Variants in XXYLT1 observed in about 807,000 individuals in gnomAD.
The protein encoded by XXYLT1 is xyloside xylosyltransferase 1.
A neutral mutation model predicts 28.9 loss-of-function variants in XXYLT1; 20 were observed. The ratio of observed to expected loss-of-function variants is 0.69; its 90% confidence interval spans 0.49 to 1.00. The LOEUF is 1.00. XXYLT1 is among the 50% of genes least tolerant of loss of function. The probability of loss-of-function intolerance (pLI) is 0.00; values close to 1 mark genes in which losing one functional copy is unlikely to be tolerated. For missense variants in XXYLT1, 542 were observed against 560.1 expected, an observed-to-expected ratio of 0.97 and a Z score of 0.33; for synonymous variants, 257 against 253.8, an observed-to-expected ratio of 1.01 and a Z score of -0.12.
At chr3:195,197,460 A>G (rs997916464) in intron 2 of XXYLT1, among the ~76,000 whole-genome samples, 1 of 151,416 alleles carries the variant, frequency 6.6e-6, no homozygotes, top group Non-Finnish European at 1.5e-5. Context: ...AAAAAAAAAA[A>G]GCTATGTTAT....
chr3:195,144,808 G>T (rs967008313), intron 3 of XXYLT1, among the ~76,000 whole-genome samples: 1 of 152,186 alleles, frequency 6.6e-6, no homozygotes, highest in Non-Finnish European at 1.5e-5. Context: ...GCAGCTAAAA[G>T]GGTGTGAGAT....
At chr3:195,167,169 C>A (rs928472751) in intron 2 of XXYLT1, among the ~76,000 whole-genome samples, 2 of 152,232 alleles carry the variant, frequency 1.3e-5, no homozygotes, top group Admixed American at 6.5e-5. Context: ...AGTCAAGCTA[C>A]TATTTTTCTC....
chr3:195,215,525 GTC>G (rs1327697750), intron 2 of XXYLT1, among the ~76,000 whole-genome samples: 1 of 130,360 alleles, frequency 7.7e-6, no homozygotes, highest in African/African-American at 3.0e-5. Flanking sequence ...TGCAATCCTA[GTC>G]TCTGATAAAA....
chr3:195,165,165 C>A (rs1026169167), intron 2 of XXYLT1, among the ~76,000 whole-genome samples: 4 of 152,144 alleles, frequency 2.6e-5, no homozygotes, highest in Non-Finnish European at 5.9e-5. Context: ...AACAATGAAT[C>A]CGCCACTCTT....
intron 2 of XXYLT1, among the ~76,000 whole-genome samples, chr3:195,208,170 C>A (rs1306029738): frequency 6.6e-6 from 1 of 152,224 alleles, no homozygotes; most frequent in African/African-American, 2.4e-5. Context: ...CATACCCCAA[C>A]AGAGGTGGTA....
At chr3:195,202,375 A>G (rs1224876220) in intron 2 of XXYLT1, among the ~76,000 whole-genome samples, 1 of 148,462 alleles carries the variant, frequency 6.7e-6, no homozygotes, top group African/African-American at 2.5e-5. Flanking sequence ...TTGCAATATT[A>G]TCTTAAAGAG....
intron 2 of XXYLT1, among the ~76,000 whole-genome samples, chr3:195,189,867 G>A (rs566893080): frequency 1.3e-5 from 2 of 152,268 alleles, no homozygotes; most frequent in African/African-American, 2.4e-5. Flanking sequence ...CAGACCCCAA[G>A]TAGGATAAAT....
At chr3:195,156,666 A>G in intron 2 of XXYLT1, 85 bp from the exon 3 acceptor site, 2 of 1,537,038 alleles carry the variant, frequency 1.3e-6, no homozygotes, top group South Asian at 2.4e-5. Context: ...TGGAGGGCAG[A>G]GAAAAGGGCA....
At chr3:195,123,798 G>T (rs1718485729) in intron 3 of XXYLT1, among the ~76,000 whole-genome samples, 2 of 152,172 alleles carry the variant, frequency 1.3e-5, no homozygotes, top group Non-Finnish European at 2.9e-5. Context: ...GATGCTACAG[G>T]GTCTGGGCCA....
At chr3:195,190,515 A>C (rs1722376217) in intron 2 of XXYLT1, among the ~76,000 whole-genome samples, 1 of 151,510 alleles carries the variant, frequency 6.6e-6, no homozygotes, top group Non-Finnish European at 1.5e-5. Context: ...AAAAAAAAAA[A>C]AAAACTAAAT....
chr3:195,081,826 C>T lies in XXYLT1; in HGVS notation c.786-11715G>A, dbSNP rs571139552. Reference sequence around the variant, plus strand: ...CTGTGGTCTGCAGCAGCCAGTGGGCCCTGCAACTGGTCTACCTGGCTCTGC... The same window carrying T: ...CTGTGGTCTGCAGCAGCCAGTGGGCTCTGCAACTGGTCTACCTGGCTCTGC... On this transcript the variant is annotated intron_variant, in intron 3 of 3. Coordinates refer to ENST00000310380, the MANE Select transcript of XXYLT1 (RefSeq NM_152531.5). Among the ~76,000 whole-genome samples the T allele has an allele frequency of 5.3e-5, 8 of 152,308 alleles. No individual in the cohort carries two copies. The East Asian group carries it at 1.5e-3, about 29-fold the overall frequency.
intron 2 of XXYLT1, among the ~76,000 whole-genome samples, chr3:195,165,476 T>C (rs751359489): frequency 3.9e-5 from 6 of 152,170 alleles, no homozygotes; most frequent in Middle Eastern, 3.2e-3. Flanking sequence ...GTGGAAAGAA[T>C]GGCCCCACAT....
intron 3 of XXYLT1, among the ~76,000 whole-genome samples, chr3:195,146,316 C>T (rs147821573): frequency 8.5e-5 from 13 of 152,350 alleles, no homozygotes; most frequent in East Asian, 7.7e-4. Flanking sequence ...TACAGATAAG[C>T]CTTTCTGCTG....
intron 3 of XXYLT1, among the ~76,000 whole-genome samples, chr3:195,120,755 G>A (rs1045335254): frequency 5.9e-5 from 9 of 152,218 alleles, no homozygotes; most frequent in South Asian, 2.1e-4. Context: ...ACTGAGCACC[G>A]ACTCTGCGGG....
chr3:195,271,134 T>G lies in XXYLT1; in HGVS notation c.-76A>C. ...GGGTACCCGGACGCCGGCGGCCACT[T>G]AGCCCCGGCGCCAGGCGGCGGCCAT... On this transcript the variant is annotated 5_prime_UTR_variant, in exon 1 of 4. The change abolishes the stop of an existing upstream ORF in the 5' untranslated region. Transcript: ENST00000310380. 2 of 1,253,960 alleles carry G rather than the reference T, an allele frequency of 1.6e-6. No homozygotes were observed. The highest frequency in any genetic ancestry group is 2.0e-6 in the Non-Finnish European group (2 of 999,324). 77.7% of individuals were successfully genotyped at this position (1,253,960 alleles called of 1,614,324 possible). A position where few individuals can be genotyped will look rare whatever the true frequency, so the allele number is the denominator to read the frequency against.
intron 2 of XXYLT1, among the ~76,000 whole-genome samples, chr3:195,213,663 G>A (rs938540290): frequency 4.6e-5 from 7 of 152,334 alleles, no homozygotes; most frequent in East Asian, 1.9e-4. Flanking sequence ...GTGTGTAAGC[G>A]ATGTTGGTTA....
chr3:195,083,504 T>G (rs1458528566), intron 3 of XXYLT1, among the ~76,000 whole-genome samples: 1 of 152,198 alleles, frequency 6.6e-6, no homozygotes, highest in Non-Finnish European at 1.5e-5. Flanking sequence ...CCTCATCTCC[T>G]CCTCAGAAGT....
chr3:195,181,353 G>A (rs543278046), intron 2 of XXYLT1, among the ~76,000 whole-genome samples: 114 of 152,318 alleles, frequency 7.5e-4, no homozygotes, highest in Non-Finnish European at 1.4e-3. Context: ...TTTTCTATGA[G>A]GTCTACACTT....
chr3:195,210,766 T>C lies in XXYLT1; in HGVS notation c.652+15943A>G, dbSNP rs189472767. On this transcript the variant is annotated intron_variant, in intron 2 of 3. Coordinates refer to ENST00000310380, the MANE Select transcript of XXYLT1 (RefSeq NM_152531.5). This position sits in a 1 kb window ranked among gnomAD's most constrained non-coding sequence, Gnocchi z 4.8. ...CATAAGAGCTGCCAGAAAATAGTTT[T>C]CACTGAAATCACTGGACACATGTTT... Among the ~76,000 whole-genome samples the C allele has an allele frequency of 1.1e-4, 17 of 147,974 alleles. No homozygotes were observed. In the East Asian group the frequency reaches 3.3e-3, roughly 29 times the overall value.
Sources: gnomAD v4.1 joint callset for allele counts (sites outside exome capture counted in the v4.1 genomes callset) on GRCh38, gnomAD v4.1.1 for gene constraint, Gnocchi (gnomAD v3.1) non-coding constraint, MANE v1.5 for transcripts, NCBI Gene and HGNC (gene_info 2026-07-23, HGNC 2026-07-21) for gene names.